HHAT: variants seen among roughly 807,000 people sequenced by gnomAD.
The protein encoded by HHAT is hedgehog acyltransferase.
Under a neutral mutation model 70.8 loss-of-function variants are expected in HHAT, and 47 were observed. The ratio of observed to expected loss-of-function variants is 0.66; its 90% CI spans 0.53 to 0.85. The LOEUF (loss-of-function observed/expected upper bound fraction) is 0.85. Among genes scored for constraint, HHAT ranks in the 40% least tolerant of loss-of-function variants. The pLI, the probability that HHAT is intolerant of heterozygous loss-of-function variation, is 0.00. For missense variants in HHAT, 609 were observed against 604.8 expected (o/e 1.01, Z -0.07); for synonymous variants, 228 against 247.6 (o/e 0.92, Z 0.74).
At chr1:210,428,555 T>A (rs1572374490) in intron 7 of HHAT, among the ~76,000 whole-genome samples, 1 of 151,178 alleles carries the variant, frequency 6.6e-6, no homozygotes, top group African/African-American at 2.5e-5. Context: ...CATCCTTTTT[T>A]ATGACACCAG....
At chr1:210,502,402 A>AAAAAAAAC in intron 8 of HHAT, among the ~76,000 whole-genome samples, 1 of 151,190 alleles carries the variant, frequency 6.6e-6, no homozygotes, top group Non-Finnish European at 1.5e-5. Context: ...AAAAAAAAAA[A>AAAAAAAAC]TCTTTCCTAG....
chr1:210,448,125 C>G (rs572488085), intron 7 of HHAT, among the ~76,000 whole-genome samples: 1 of 150,418 alleles, frequency 6.6e-6, no homozygotes, highest in South Asian at 2.1e-4. Context: ...TGTCACTCAG[C>G]CTGTAATGCG....
At chr1:210,646,134 T>C (rs1171956245) in intron 11 of HHAT, among the ~76,000 whole-genome samples, 1 of 152,252 alleles carries the variant, frequency 6.6e-6, no homozygotes, top group African/African-American at 2.4e-5. Flanking sequence ...AGTTGCTTTG[T>C]ATACTTTGCA....
chr1:210,569,855 T>C (rs1336292559), intron 9 of HHAT, among the ~76,000 whole-genome samples: 1 of 152,190 alleles, frequency 6.6e-6, no homozygotes, highest in Non-Finnish European at 1.5e-5. Context: ...TTTTTTTAAC[T>C]GTACCTTTAG....
At chr1:210,452,640 A>G (rs2093778220) in intron 7 of HHAT, among the ~76,000 whole-genome samples, 1 of 152,238 alleles carries the variant, frequency 6.6e-6, no homozygotes, top group Non-Finnish European at 1.5e-5. Context: ...GAGTGGAGCT[A>G]TACCCTAACT....
chr1:210,484,369 G>A (rs1287176429), intron 8 of HHAT, among the ~76,000 whole-genome samples: 1 of 152,104 alleles, frequency 6.6e-6, no homozygotes, highest in Non-Finnish European at 1.5e-5. Flanking sequence ...CATAAGAAGT[G>A]TTATATCCTT....
intron 6 of HHAT, among the ~76,000 whole-genome samples, chr1:210,405,798 GAT>G (rs2092306021): frequency 6.6e-6 from 1 of 152,292 alleles, no homozygotes; most frequent in Admixed American, 6.5e-5. Context: ...ATTCTAGACA[GAT>G]ATGTTTAGTC....
Position 210,404,531 on chromosome 1 carries a change from A to G in HHAT, c.536A>G (p.Tyr179Cys), listed in dbSNP as rs535833711. ...TTCACGCTGACCGTTCGCTGCCTGTACTACACCAGCTTCAGCCTGGAGCTC... is the reference window on the plus strand; with the variant it reads ...TTCACGCTGACCGTTCGCTGCCTGTGCTACACCAGCTTCAGCCTGGAGCTC... ...LQFTLTVRCL[Y>C]YTSFSLELCW... The change falls in exon 6 of 12, where the codon TAC becomes TGC. Residue 179 changes from tyrosine to cysteine, a missense_variant. Tyr to Cys is a radical substitution (Grantham distance 194). Coordinates refer to ENST00000261458, the MANE Select transcript of HHAT (RefSeq NM_018194.6). The G allele has an allele frequency of 3.1e-6, 5 of 1,613,770 alleles. No individual in the cohort carries two copies. The South Asian group carries it at 3.3e-5, about 11-fold the overall frequency.
chr1:210,385,048 G>A (rs921739487), intron 3 of HHAT, among the ~76,000 whole-genome samples: 1 of 152,106 alleles, frequency 6.6e-6, no homozygotes, highest in Non-Finnish European at 1.5e-5. Context: ...TTGTTGATGG[G>A]ATTTTACCAG....
At chr1:210,541,359 A>G (rs2095429138) in intron 9 of HHAT, among the ~76,000 whole-genome samples, 1 of 152,106 alleles carries the variant, frequency 6.6e-6, no homozygotes, top group Non-Finnish European at 1.5e-5. Context: ...CATTTTCTAA[A>G]TGAGGGGAGA....
At chr1:210,553,687 G>A (rs2095547413) in intron 9 of HHAT, among the ~76,000 whole-genome samples, 1 of 152,116 alleles carries the variant, frequency 6.6e-6, no homozygotes, top group Admixed American at 6.5e-5. Flanking sequence ...CCCCTGCAGT[G>A]TGAGCTTCCC....
rs111301878 is a variant in HHAT, at chr1:210,333,683, C to T, written c.-44+4579C>T. 2.3e-3 allele frequency among the ~76,000 whole-genome samples: 346 copies of T among 151,250 alleles called. 2 individuals are homozygous for T. Among genetic ancestry groups the T allele is most frequent in the African/African-American group, 8.0e-3 (331 of 41,142 alleles). On this transcript the variant is annotated intron_variant, in intron 1 of 11. Coordinates refer to ENST00000261458, the MANE Select transcript of HHAT (RefSeq NM_018194.6). ...TGATTTTTTTTTTTTTCTGAGACAG[C>T]GTCTCACTATGTCACACAGGATGGA...
Position 210,471,899 on chromosome 1 carries a change from CG to C in HHAT, c.1007+7245del, listed in dbSNP as rs540646967. 2.0e-4 allele frequency among the ~76,000 whole-genome samples: 31 copies of C among 152,116 alleles called. 1 individual carries two copies. The South Asian group carries it at 6.4e-3, about 32-fold the overall frequency. On this transcript the variant is annotated intron_variant, in intron 8 of 11. Transcript: ENST00000261458. ...ATGCATTGTTGTTTACTTTAGTCAC[CG>C]TATTATATGACAGATCTCTTGAATT... is the stretch of plus-strand genomic sequence containing the variant.
intron 9 of HHAT, among the ~76,000 whole-genome samples, chr1:210,566,021 C>T (rs149935239): frequency 6.6e-6 from 1 of 152,266 alleles, no homozygotes; most frequent in East Asian, 1.9e-4. Context: ...TCAGGAGTTT[C>T]TACCAGATTT....
intron 9 of HHAT, among the ~76,000 whole-genome samples, chr1:210,517,327 A>G (rs996117927): frequency 7.9e-5 from 12 of 151,940 alleles, no homozygotes; most frequent in Admixed American, 2.0e-4. Context: ...GGGTTTTGCC[A>G]TGTTTCCCAG....
rs1476307030 is a variant in HHAT at position 210,667,406 on chromosome 1, ATAAT to A, written c.1391-6879_1391-6876del. On this transcript the variant is annotated intron_variant, in intron 11 of 11. Transcript: ENST00000261458. ...AATAAATAAATAAATAAATAAATAA[ATAAT>A]TATTTTTTCTCACATCTTTTGTCTG... is the stretch of plus-strand genomic sequence containing the variant. Among the ~76,000 whole-genome samples, 310 of 129,888 alleles carry A rather than the reference ATAAT, an allele frequency of 2.4e-3. 8 individuals are homozygous for A. The East Asian group carries it at 0.063, about 26-fold the overall frequency. The allele number at this position is 129,888 out of a possible 152,430, so 85.2% of individuals were successfully genotyped here.
rs554902276 is a variant in HHAT, at chr1:210,636,230, T to C, written c.1390+12560T>C. Reference sequence around the variant, plus strand: ...GAAGGTATCTTCCTCCAGACAAAATTTGTGCTTGTATCTGCCAGACCAATA... The same window carrying C: ...GAAGGTATCTTCCTCCAGACAAAATCTGTGCTTGTATCTGCCAGACCAATA... On this transcript the variant is annotated intron_variant, in intron 11 of 11. Transcript: ENST00000261458. 2.5e-4 allele frequency among the ~76,000 whole-genome samples: 38 copies of C among 152,312 alleles called. No homozygotes were observed. The South Asian group carries it at 7.5e-3, about 30-fold the overall frequency.
chr1:210,654,489 T>C (rs1675965494), intron 11 of HHAT, among the ~76,000 whole-genome samples: 1 of 152,240 alleles, frequency 6.6e-6, no homozygotes, highest in Non-Finnish European at 1.5e-5. Flanking sequence ...AAATGTTGAA[T>C]GAATCATTCA....
At position 210,438,547 on chromosome 1, in the gene HHAT, G is replaced by A. The variant is rs148005067; in HGVS notation, c.856+20222G>A. On this transcript the variant is annotated intron_variant, in intron 7 of 11. Transcript: ENST00000261458. ...TTTCTGATATGCTCATACTTATTAA[G>A]GCATCTGGTATACCTGCCACTCCTA... 1.0e-3 allele frequency among the ~76,000 whole-genome samples: 154 copies of A among 151,730 alleles called. No individual in the cohort carries two copies. In the East Asian group the frequency reaches 0.015, roughly 14 times the overall value.
Sources: gnomAD v4.1 joint callset for allele counts (sites outside exome capture counted in the v4.1 genomes callset) on GRCh38, gnomAD v4.1.1 for gene constraint, MANE v1.5 for transcripts, NCBI Gene and HGNC (gene_info 2026-07-23, HGNC 2026-07-21) for gene names.